The following ANGPT1 variants were observed in gnomAD, a reference collection of about 807,000 sequenced individuals.
The protein encoded by ANGPT1 is angiopoietin 1, also known as angiopoietin-1.
Under a neutral mutation model 62.2 loss-of-function variants are expected in ANGPT1, and 17 were observed. That is an observed-to-expected ratio of 0.27 (90% CI 0.19 to 0.41). ANGPT1 has a LOEUF of 0.41. Ranked by LOEUF, ANGPT1 falls within the 10% of genes least tolerant of loss-of-function variation. ANGPT1 has a pLI of 1.00. For missense variants in ANGPT1, 478 were observed against 594.9 expected (o/e 0.80, Z 2.04); for synonymous variants, 199 against 198.9 (o/e 1.00, Z 0.00).
At chr8:107,291,847 C>T (rs1814283921) in intron 6 of ANGPT1, among the ~76,000 whole-genome samples, 1 of 140,000 alleles carries the variant, frequency 7.1e-6, no homozygotes, top group Admixed American at 7.8e-5. Context: ...ATTCTCCATA[C>T]CAATCCCAAA....
intron 1 of ANGPT1, among the ~76,000 whole-genome samples, chr8:107,404,270 T>C (rs529586694): frequency 1.3e-5 from 2 of 152,248 alleles, no homozygotes; most frequent in Admixed American, 6.5e-5. Flanking sequence ...TCTAATTCTA[T>C]GGTATACATA....
chr8:107,360,382 C>T (rs1313492157), intron 1 of ANGPT1, among the ~76,000 whole-genome samples: 1 of 152,132 alleles, frequency 6.6e-6, no homozygotes, highest in Non-Finnish European at 1.5e-5. Context: ...AGTTCAGTAA[C>T]ATGATCAGGA....
intron 1 of ANGPT1, among the ~76,000 whole-genome samples, chr8:107,389,283 G>C (rs117823237): frequency 6.6e-6 from 1 of 152,138 alleles, no homozygotes; most frequent in South Asian, 2.1e-4. Flanking sequence ...ATCATGGCAA[G>C]GACTACGTGC....
intron 5 of ANGPT1, among the ~76,000 whole-genome samples, chr8:107,302,328 G>A (rs1563558605): frequency 1.3e-5 from 2 of 151,848 alleles, no homozygotes; most frequent in South Asian, 4.1e-4. Flanking sequence ...AAGGGCATGC[G>A]GTCCTCTTGG....
At chr8:107,407,193 T>C (rs973879248) in intron 1 of ANGPT1, among the ~76,000 whole-genome samples, 1 of 152,162 alleles carries the variant, frequency 6.6e-6, no homozygotes, top group Non-Finnish European at 1.5e-5. Flanking sequence ...TTGTTCTATG[T>C]TTAATTCATG....
chr8:107,496,359 T>G (rs1344043970), intron 1 of ANGPT1, among the ~76,000 whole-genome samples: 1 of 152,214 alleles, frequency 6.6e-6, no homozygotes, highest in African/African-American at 2.4e-5. Flanking sequence ...AACAAAAACT[T>G]AAATGGTTTG....
At chr8:107,383,738 A>G (rs1253406979) in intron 1 of ANGPT1, among the ~76,000 whole-genome samples, 1 of 152,146 alleles carries the variant, frequency 6.6e-6, no homozygotes, top group East Asian at 1.9e-4. Flanking sequence ...TTTATATATG[A>G]AAGGTTGAAA....
At chr8:107,335,212 C>T (rs1815531691) in intron 3 of ANGPT1, among the ~76,000 whole-genome samples, 1 of 152,160 alleles carries the variant, frequency 6.6e-6, no homozygotes, top group African/African-American at 2.4e-5. Flanking sequence ...GTCTCTGTTC[C>T]CTCACTTGTA....
rs113883062 is a variant in ANGPT1, at chr8:107,423,274, C to T, written c.297+73988G>A. On this transcript the variant is annotated intron_variant, in intron 1 of 8. Transcript: ENST00000517746. ...ACAATACTGACTAAATGAGATAAAG[C>T]GTCAATAATGAATACTGAAGTGTGC... 7.1e-3 allele frequency among the ~76,000 whole-genome samples: 1,082 copies of T among 152,302 alleles called. 18 individuals carry two copies. The highest frequency in any genetic ancestry group is 0.025 in the African/African-American group (1,032 of 41,568).
At chr8:107,382,992 G>A (rs1816668197) in intron 1 of ANGPT1, among the ~76,000 whole-genome samples, 1 of 152,132 alleles carries the variant, frequency 6.6e-6, no homozygotes, top group Admixed American at 6.6e-5. Flanking sequence ...ACTGGTATTT[G>A]CTGAAATGCT....
rs145379588 is a variant in ANGPT1, at chr8:107,433,503, C to T, written c.297+63759G>A. Among the ~76,000 whole-genome samples, 20 of 152,128 alleles carry T rather than the reference C, an allele frequency of 1.3e-4. No homozygotes were observed. In the East Asian group the frequency reaches 2.9e-3, roughly 22 times the overall value. On this transcript the variant is annotated intron_variant, in intron 1 of 8. Coordinates refer to ENST00000517746, the MANE Select transcript of ANGPT1 (RefSeq NM_001146.5). The stretch of plus-strand genomic sequence containing the variant: ...AAGTATTAAAAGCAAAAAGATTGTC[C>T]CTGACATGAAAGATGGACAAGCAAA...
chr8:107,361,355 T>C (rs543016633), intron 1 of ANGPT1, among the ~76,000 whole-genome samples: 216 of 151,358 alleles, frequency 1.4e-3, no homozygotes, highest in Admixed American at 0.01. Flanking sequence ...AAAAATGTTT[T>C]GGTTGTTGAA....
intron 7 of ANGPT1, among the ~76,000 whole-genome samples, chr8:107,276,855 G>A (rs113335785): frequency 3.3e-5 from 5 of 152,138 alleles, no homozygotes; most frequent in African/African-American, 4.8e-5. Flanking sequence ...ACAAACTTGC[G>A]CAAAAAGATA....
At chr8:107,292,899 G>A (rs771286927) in intron 6 of ANGPT1, among the ~76,000 whole-genome samples, 1 of 152,136 alleles carries the variant, frequency 6.6e-6, no homozygotes, top group Non-Finnish European at 1.5e-5. Context: ...CCTGGTGAGA[G>A]AAAATTTGTC....
At chr8:107,361,129 C>A (rs1165670301) in intron 1 of ANGPT1, among the ~76,000 whole-genome samples, 1 of 152,030 alleles carries the variant, frequency 6.6e-6, no homozygotes, top group Non-Finnish European at 1.5e-5. Context: ...AAATATCAAG[C>A]AAATATGGAT....
At chr8:107,391,224 A>T (rs1422604674) in intron 1 of ANGPT1, among the ~76,000 whole-genome samples, 2 of 152,192 alleles carry the variant, frequency 1.3e-5, no homozygotes, top group Admixed American at 1.3e-4. Flanking sequence ...GTGGGGCTGA[A>T]TCTTCTGGGT....
chr8:107,346,912 G>A, intron 2 of ANGPT1, 30 bp downstream of exon 2: 4 of 1,553,662 alleles, frequency 2.6e-6, no homozygotes, highest in East Asian at 2.3e-5. Context: ...TTTCCTTGTT[G>A]AGTCTGTGGA....
intron 7 of ANGPT1, among the ~76,000 whole-genome samples, chr8:107,265,800 T>A (rs1007131144): frequency 9.2e-5 from 14 of 152,162 alleles, no homozygotes; most frequent in African/African-American, 3.4e-4. Flanking sequence ...TGAAATAGAA[T>A]AATAAAGATC....
intron 4 of ANGPT1, among the ~76,000 whole-genome samples, chr8:107,307,710 T>C (rs1474001047): frequency 6.6e-6 from 1 of 152,196 alleles, no homozygotes; most frequent in Non-Finnish European, 1.5e-5. Flanking sequence ...CTTGGATCTC[T>C]ATTTCTTATA....
Sources: allele counts gnomAD v4.1 joint callset (sites outside exome capture counted in the v4.1 genomes callset), GRCh38; gene constraint gnomAD v4.1.1; transcripts MANE v1.5; gene names NCBI Gene and HGNC (gene_info 2026-07-23, HGNC 2026-07-21).